IGFBP5: variants seen among roughly 807,000 people sequenced by gnomAD.
The protein encoded by IGFBP5 is insulin like growth factor binding protein 5.
Under a neutral mutation model 28.0 loss-of-function variants are expected in IGFBP5, and 12 were observed. The observed-to-expected ratio is 0.43, with a 90% confidence interval of 0.27 to 0.69. The LOEUF (loss-of-function observed/expected upper bound fraction) is 0.69, where lower values mean the gene tolerates loss of function less well. IGFBP5 is among the 30% of genes least tolerant of loss of function. IGFBP5 has a pLI of 0.20. For missense variants in IGFBP5, 344 were observed against 381.6 expected (o/e 0.90, Z 0.82); for synonymous variants, 152 against 150.2 (o/e 1.01, Z -0.09).
chr2:216,681,761 G>C (rs1177407407), intron 1 of IGFBP5, among the ~76,000 whole-genome samples: 2 of 152,132 alleles, frequency 1.3e-5, no homozygotes, highest in Non-Finnish European at 2.9e-5. Flanking sequence ...GGCCTTGGGG[G>C]ACACAGAAGC....
intron 1 of IGFBP5, among the ~76,000 whole-genome samples, chr2:216,684,383 C>G (rs1274398650): frequency 6.6e-6 from 1 of 152,214 alleles, no homozygotes; most frequent in Non-Finnish European, 1.5e-5. Context: ...GTTTATCACT[C>G]TATCTCACTT....
chr2:216,685,010 A>T (rs1414300222), intron 1 of IGFBP5, among the ~76,000 whole-genome samples: 1 of 152,200 alleles, frequency 6.6e-6, no homozygotes, highest in Admixed American at 6.5e-5. Context: ...TAGGCCAGGC[A>T]TGGTGGCTCA....
chr2:216,675,794 T>C lies in IGFBP5; in HGVS notation c.*957A>G, dbSNP rs1370661537. The C allele has an allele frequency of 6.6e-6, 1 of 151,906 alleles. No individual in the cohort carries two copies. Among genetic ancestry groups the C allele is most frequent in the East Asian group, 1.9e-4 (1 of 5,196 alleles). 9.4% of individuals were successfully genotyped at this position (151,906 alleles called of 1,614,324 possible). A position where few individuals can be genotyped will look rare whatever the true frequency, so the allele number is the denominator to read the frequency against. On this transcript the variant is annotated 3_prime_UTR_variant, in exon 4 of 4. Coordinates refer to ENST00000233813, the MANE Select transcript of IGFBP5 (RefSeq NM_000599.4). ...GCCTATATATGACTATATGGAGTCC[T>C]GTAGATAAATACGAGCCCACTTTTT... is the stretch of plus-strand genomic sequence containing the variant.
At chr2:216,693,579 T>C (rs1689127659) in intron 1 of IGFBP5, among the ~76,000 whole-genome samples, 1 of 151,860 alleles carries the variant, frequency 6.6e-6, no homozygotes, top group Non-Finnish European at 1.5e-5. Flanking sequence ...TATGTCCACC[T>C]TTCATCCTAG....
rs117459303 is a variant in IGFBP5, at chr2:216,684,675, C to T, written c.338-5596G>A. On this transcript the variant is annotated intron_variant, in intron 1 of 3. Coordinates refer to ENST00000233813, the MANE Select transcript of IGFBP5 (RefSeq NM_000599.4). ...TGGAATTTAAACAGCCAACTTCTTACGGGCAGAGCTTTGTCATTTCTCTTT... is the reference window on the plus strand; with the variant it reads ...TGGAATTTAAACAGCCAACTTCTTATGGGCAGAGCTTTGTCATTTCTCTTT... Among the ~76,000 whole-genome samples the T allele has an allele frequency of 1.6e-4, 24 of 152,328 alleles. No individual in the cohort carries two copies. In the East Asian group the frequency reaches 3.1e-3, roughly 20 times the overall value.
At chr2:216,684,621 T>C (rs1003976703) in intron 1 of IGFBP5, among the ~76,000 whole-genome samples, 1 of 152,204 alleles carries the variant, frequency 6.6e-6, no homozygotes, top group African/African-American at 2.4e-5. Context: ...GAGCTGAATT[T>C]GTTCTGGGTT....
intron 1 of IGFBP5, among the ~76,000 whole-genome samples, chr2:216,685,602 G>A (rs972256812): frequency 6.6e-6 from 1 of 152,186 alleles, no homozygotes; most frequent in Non-Finnish European, 1.5e-5. Flanking sequence ...ACAACACAAG[G>A]CTGGTGGAAG....
chr2:216,672,535 GA>G lies in IGFBP5; in HGVS notation c.*4215del, dbSNP rs1688843008. The G allele has an allele frequency of 6.6e-6, 1 of 151,596 alleles. No homozygotes were observed. The highest frequency in any genetic ancestry group is 2.4e-5 in the African/African-American group (1 of 41,144). 9.4% of individuals were successfully genotyped at this position (151,596 alleles called of 1,614,324 possible). A position where few individuals can be genotyped will look rare whatever the true frequency, so the allele number is the denominator to read the frequency against. ...CTGTCTTCAAAAAAAAAAAGAAAAA[GA>G]AAAACAACAACAACAACAACGAAAA... On this transcript the variant is annotated 3_prime_UTR_variant, in exon 4 of 4. Transcript: ENST00000233813.
intron 1 of IGFBP5, among the ~76,000 whole-genome samples, chr2:216,688,181 G>A (rs913460895): frequency 3.3e-5 from 5 of 152,034 alleles, no homozygotes; most frequent in African/African-American, 1.2e-4. Flanking sequence ...CTCAGTTATT[G>A]GAAAGATTTT....
At position 216,694,101 on chromosome 2, in the gene IGFBP5, C is replaced by A. The variant is rs1163118916; in HGVS notation, c.337+338G>T. 6.6e-6 allele frequency among the ~76,000 whole-genome samples: 1 copy of A among 151,828 alleles called. No homozygotes were observed. Among genetic ancestry groups the A allele is most frequent in the Non-Finnish European group, 1.5e-5 (1 of 67,972 alleles). On this transcript the variant is annotated intron_variant, in intron 1 of 3. Transcript: ENST00000233813. The surrounding 1 kb of genome is among the most constrained non-coding windows in gnomAD (Gnocchi z 5.2). ...AGGAGGGAGTTGATAATGTAACATA[C>A]ACTCTTTCAGACTGTAGATAGGGTA...
chr2:216,688,394 G>A (rs1689055265), intron 1 of IGFBP5, among the ~76,000 whole-genome samples: 1 of 152,158 alleles, frequency 6.6e-6, no homozygotes, highest in Non-Finnish European at 1.5e-5. Flanking sequence ...TTTATTTTGA[G>A]CGTGTGGTGA....
At position 216,695,111 on chromosome 2, in the gene IGFBP5, T is replaced by A. The variant is rs1322458842; in HGVS notation, c.-336A>T. 4.5e-6 allele frequency: 1 copy of A among 220,480 alleles called. No individual in the cohort carries two copies. 13.7% of individuals were successfully genotyped at this position (220,480 alleles called of 1,614,324 possible). ...TAGGGGAAAAAAAGCCACAAAATTG[T>A]TCACCCCCAAGCAACCACCGAAATA... On this transcript the variant is annotated 5_prime_UTR_variant, in exon 1 of 4. Transcript: ENST00000233813.
rs1381660191 is a variant in IGFBP5 at position 216,676,713 on chromosome 2, G to A, written c.*38C>T. 1.4e-6 allele frequency: 2 copies of A among 1,474,614 alleles called. No homozygotes were observed. Among genetic ancestry groups the A allele is most frequent in the Middle Eastern group, 2.3e-4 (1 of 4,440 alleles). The allele number at this position is 1,474,614 out of a possible 1,614,324, so 91.3% of individuals were successfully genotyped here. ...GGCGCTGGCTGGAGTCGGGGCTGGGGGTGGGAGGGGGTGAGGGAAAGGTTG... is the reference window on the plus strand; with the variant it reads ...GGCGCTGGCTGGAGTCGGGGCTGGGAGTGGGAGGGGGTGAGGGAAAGGTTG... On this transcript the variant is annotated 3_prime_UTR_variant, in exon 4 of 4. Coordinates refer to ENST00000233813, the MANE Select transcript of IGFBP5 (RefSeq NM_000599.4).
chr2:216,694,520 C>G lies in IGFBP5; in HGVS notation c.256G>C (p.Glu86Gln), dbSNP rs1293701472. 1.1e-5 allele frequency: 18 copies of G among 1,585,888 alleles called. No homozygotes were observed. The highest frequency in any genetic ancestry group is 1.7e-4 in the Middle Eastern group (1 of 6,006). The change falls in exon 1 of 4, where the codon GAG becomes CAG. Residue 86 changes from glutamate to glutamine, a missense_variant. By Grantham distance (29) the Glu-to-Gln change is conservative. Transcript: ENST00000233813. The surrounding 1 kb of genome is among the most constrained non-coding windows in gnomAD (Gnocchi z 5.2). ...AGCAGGGCGTGCAGCGGCTTCTCCTCGTCCTGCCGGGGGAGGCAGCGCAGC... is the reference window on the plus strand; with the variant it reads ...AGCAGGGCGTGCAGCGGCTTCTCCTGGTCCTGCCGGGGGAGGCAGCGCAGC... ...QGLRCLPRQDEEKPLHALLHG... is the reference protein window; with the variant it reads ...QGLRCLPRQDQEKPLHALLHG...
In IGFBP5 at chr2:216,692,357, A is replaced by C. The variant is rs1254663367; in HGVS notation, c.337+2082T>G. On this transcript the variant is annotated intron_variant, in intron 1 of 3. Transcript: ENST00000233813. This position sits in a 1 kb window ranked among gnomAD's most constrained non-coding sequence, Gnocchi z 4.2. ...TACAGGGGATCTTGCTTGGGACTGAAGTGTCGTGTGTGTGTGTGTGTGTGT... is the reference window on the plus strand; with the variant it reads ...TACAGGGGATCTTGCTTGGGACTGACGTGTCGTGTGTGTGTGTGTGTGTGT... Among the ~76,000 whole-genome samples, 1 of 92,828 alleles carries C rather than the reference A, an allele frequency of 1.1e-5. No individual in the cohort carries two copies. The highest frequency in any genetic ancestry group is 2.4e-5 in the Non-Finnish European group (1 of 41,682). The allele number at this position is 92,828 out of a possible 152,430, so 60.9% of individuals were successfully genotyped here.
chr2:216,672,774 G>A lies in IGFBP5; in HGVS notation c.*3977C>T, dbSNP rs1688848444. ...CCCATCCAAAAGGATTTCAGGAGAG[G>A]AGGCCAGAGTCTGTGAAATGACTAA... On this transcript the variant is annotated 3_prime_UTR_variant, in exon 4 of 4. Transcript: ENST00000233813. The A allele has an allele frequency of 6.6e-6, 1 of 152,624 alleles. No homozygotes were observed. Among genetic ancestry groups the A allele is most frequent in the Admixed American group, 6.5e-5 (1 of 15,268 alleles). 9.5% of individuals were successfully genotyped at this position (152,624 alleles called of 1,614,324 possible).
In IGFBP5 at chr2:216,695,520, T is replaced by C. The variant is rs1689157068; in HGVS notation, c.-745A>G. 6.6e-6 allele frequency: 1 copy of C among 152,170 alleles called. No homozygotes were observed. Among genetic ancestry groups the C allele is most frequent in the Non-Finnish European group, 1.5e-5 (1 of 68,030 alleles). 9.4% of individuals were successfully genotyped at this position (152,170 alleles called of 1,614,324 possible). On this transcript the variant is annotated 5_prime_UTR_variant, in exon 1 of 4. Transcript: ENST00000233813. ...GCTTTGCAGCTCTTTCCTAGCTCTT[T>C]TCCCCTGCAGAAGTTTCCAAAGAGA...
At chr2:216,691,037 A>G (rs1689089305) in intron 1 of IGFBP5, among the ~76,000 whole-genome samples, 1 of 152,078 alleles carries the variant, frequency 6.6e-6, no homozygotes, top group Non-Finnish European at 1.5e-5. Context: ...CGGGTGGGAA[A>G]GGAATTTGGC....
intron 1 of IGFBP5, among the ~76,000 whole-genome samples, chr2:216,684,829 A>C (rs1371872560): frequency 6.6e-6 from 1 of 152,254 alleles, no homozygotes; most frequent in Non-Finnish European, 1.5e-5. Flanking sequence ...AGCCCAGTGC[A>C]TGCCTTGGGA....
Sources: gnomAD v4.1 joint callset for allele counts (sites outside exome capture counted in the v4.1 genomes callset) on GRCh38, gnomAD v4.1.1 for gene constraint, Gnocchi (gnomAD v3.1) non-coding constraint, MANE v1.5 for transcripts, NCBI Gene and HGNC (gene_info 2026-07-23, HGNC 2026-07-21) for gene names.